Variants in DMD observed in about 807,000 individuals in gnomAD.
DMD encodes mutant dystrophin.
In DMD, 63 loss-of-function variants were observed where a neutral mutation model predicts 330.1. The ratio of observed to expected loss-of-function variants is 0.19; its 90% confidence interval spans 0.16 to 0.24. The LOEUF (loss-of-function observed/expected upper bound fraction) is 0.24, where lower values mean the gene tolerates loss of function less well. DMD is among the 10% of genes least tolerant of loss of function. The pLI is 1.00. For synonymous variants in DMD, 1,223 were observed against 959.8 expected (o/e 1.27, Z -5.07); for missense variants, 3,344 against 2,684.1 (o/e 1.25, Z -5.43).
intron 11 of DMD, among the ~76,000 whole-genome samples, chrX:32,621,222 C>T (rs373770787): frequency 1.3e-4 from 14 of 111,291 alleles, no homozygotes; most frequent in East Asian, 5.7e-4. Flanking sequence ...TCTTTCTAGA[C>T]GGAAAGAAAG....
Position 31,640,924 on chromosome X carries a change from T to C in DMD, c.8028-13062A>G, listed in dbSNP as rs763417630. 4.5e-5 allele frequency among the ~76,000 whole-genome samples: 5 copies of C among 112,112 alleles called. No homozygotes were observed. The South Asian group carries it at 1.5e-3, about 33-fold the overall frequency. On this transcript the variant is annotated intron_variant, in intron 54 of 78. Transcript: ENST00000357033. ...AAGATTTGCTCAGATAACAGTGTCC[T>C]TATGCGCTGTCTTCTAAGCGGATGA...
intron 27 of DMD, among the ~76,000 whole-genome samples, chrX:32,442,363 C>A (rs1446009655): frequency 9.1e-6 from 1 of 110,265 alleles, no homozygotes; most frequent in Admixed American, 9.7e-5. Flanking sequence ...AAACCTGAAC[C>A]AAAATCTTAA....
At chrX:33,010,277 TAC>T (rs2093671729) in intron 2 of DMD, among the ~76,000 whole-genome samples, 1 of 108,843 alleles carries the variant, frequency 9.2e-6, no homozygotes, top group Admixed American at 9.9e-5. Context: ...TGTGTATATG[TAC>T]ATATATGTGT....
intron 29 of DMD, among the ~76,000 whole-genome samples, chrX:32,422,181 C>T (rs138612990): frequency 0.01 from 1,133 of 111,383 alleles, 4 homozygotes; most frequent in South Asian, 0.07. Context: ...GGGAATGAAC[C>T]TGACACATAA....
intron 43 of DMD, among the ~76,000 whole-genome samples, chrX:32,232,486 C>T (rs904662258): frequency 4.5e-5 from 5 of 111,062 alleles, no homozygotes; most frequent in African/African-American, 1.3e-4. Flanking sequence ...CAGGATGACA[C>T]CATGTTAGAA....
chrX:32,132,724 C>A (rs1282722899), intron 44 of DMD, among the ~76,000 whole-genome samples: 1 of 110,450 alleles, frequency 9.1e-6, no homozygotes, highest in African/African-American at 3.3e-5. Flanking sequence ...CAAGTCATTT[C>A]CTGAGCTAAC....
At chrX:31,217,167 A>G in intron 64 of DMD, among the ~76,000 whole-genome samples, 1 of 112,004 alleles carries the variant, frequency 8.9e-6, no homozygotes, top group Non-Finnish European at 1.9e-5. Context: ...CTTCTTCATA[A>G]CTTTCAATGG....
chrX:32,436,670 C>T (rs2148179169), intron 29 of DMD, among the ~76,000 whole-genome samples: 1 of 111,562 alleles, frequency 9.0e-6, no homozygotes, highest in South Asian at 3.8e-4. Flanking sequence ...ATGTCAAACA[C>T]TGAAGTTGGA....
intron 48 of DMD, among the ~76,000 whole-genome samples, chrX:31,851,264 G>C (rs910415906): frequency 9.1e-6 from 1 of 109,349 alleles, no homozygotes; most frequent in African/African-American, 3.4e-5. Context: ...AACTAATCAA[G>C]GGCAGCTCAC....
chrX:33,240,003 T>A (rs5971699), intron 1 of DMD, among the ~76,000 whole-genome samples: 14,712 of 110,956 alleles, frequency 0.13, 1,278 homozygotes, highest in African/African-American at 0.32. Flanking sequence ...TTGTGTTTAG[T>A]CTTGGGTCCC....
intron 2 of DMD, among the ~76,000 whole-genome samples, chrX:32,904,338 T>C (rs2086554660): frequency 9.0e-6 from 1 of 111,599 alleles, no homozygotes; most frequent in Non-Finnish European, 1.9e-5. Flanking sequence ...TCATGTCTCC[T>C]AGGGTATTTA....
At chrX:31,921,046 C>T (rs1243635180) in intron 47 of DMD, among the ~76,000 whole-genome samples, 1 of 111,459 alleles carries the variant, frequency 9.0e-6, no homozygotes, top group African/African-American at 3.3e-5. Flanking sequence ...TTCAGTGTAA[C>T]CTTCTACAAA....
intron 55 of DMD, among the ~76,000 whole-genome samples, chrX:31,549,434 C>A (rs1185228484): frequency 9.0e-6 from 1 of 111,334 alleles, no homozygotes; most frequent in Non-Finnish European, 1.9e-5. Context: ...GAATATAAAC[C>A]TATTCCCAAC....
At chrX:33,272,596 T>C (rs750863290) in intron 1 of DMD, among the ~76,000 whole-genome samples, 4 of 110,562 alleles carry the variant, frequency 3.6e-5, no homozygotes, top group Non-Finnish European at 7.6e-5. Context: ...AAACCACATG[T>C]TGTGGAGGAA....
intron 61 of DMD, among the ~76,000 whole-genome samples, chrX:31,342,208 G>A (rs2057810577): frequency 8.9e-6 from 1 of 111,905 alleles, no homozygotes; most frequent in East Asian, 2.8e-4. Context: ...TCAGTAAAGA[G>A]AGGGACTTGA....
intron 63 of DMD, among the ~76,000 whole-genome samples, chrX:31,255,439 G>A (rs1054633092): frequency 1.8e-5 from 2 of 110,981 alleles, no homozygotes; most frequent in Non-Finnish European, 1.9e-5. Context: ...AGGGAGTGAC[G>A]AAGAATGTAC....
chrX:32,600,598 GCA>G (rs201249837), intron 12 of DMD, among the ~76,000 whole-genome samples: 11,778 of 95,033 alleles, frequency 0.12, 574 homozygotes, highest in Middle Eastern at 0.16. Flanking sequence ...ACACGCACAC[GCA>G]CACACACACA....
In DMD at chrX:32,698,480, T is replaced by C. The variant is rs141175209; in HGVS notation, c.832-482A>G. Reference sequence around the variant, plus strand: ...CAGCAGAAATGTTGCTAAAGGTTTCTTCACTGTTGTTTGTGCCTGAGAAAG... The same window carrying C: ...CAGCAGAAATGTTGCTAAAGGTTTCCTCACTGTTGTTTGTGCCTGAGAAAG... On this transcript the variant is annotated intron_variant, in intron 8 of 78. Transcript: ENST00000357033. Among the ~76,000 whole-genome samples, 191 of 111,896 alleles carry C rather than the reference T, an allele frequency of 1.7e-3. 5 individuals are homozygous for C. The East Asian group carries it at 0.038, about 22-fold the overall frequency.
At chrX:33,322,392 G>C (rs2054028445) in intron 1 of DMD, among the ~76,000 whole-genome samples, 1 of 109,012 alleles carries the variant, frequency 9.2e-6, no homozygotes, top group African/African-American at 3.3e-5. Context: ...ATGTGGGGGG[G>C]TGGGGGTGGC....
Sources: allele counts gnomAD v4.1 joint callset (sites outside exome capture counted in the v4.1 genomes callset), GRCh38; gene constraint gnomAD v4.1.1; transcripts MANE v1.5; gene names NCBI Gene and HGNC (gene_info 2026-07-23, HGNC 2026-07-21).